HASPIN: variants seen among roughly 807,000 people sequenced by gnomAD.
HASPIN encodes the protein serine/threonine-protein kinase haspin.
HASPIN carries 24 observed loss-of-function variants against 28.8 expected under a neutral mutation model. The observed-to-expected ratio is 0.83, with a 90% CI of 0.60 to 1.17. The LOEUF (loss-of-function observed/expected upper bound fraction) is 1.17, where lower values mean the gene tolerates loss of function less well. Among genes scored for constraint, HASPIN ranks in the 50% most tolerant of loss-of-function variants. The pLI, the probability that HASPIN is intolerant of heterozygous loss-of-function variation, is 0.00. For missense variants in HASPIN, 1,016 were observed against 1,018.5 expected (o/e 1.00, Z 0.03); for synonymous variants, 440 against 413.1 (o/e 1.07, Z -0.79).
chr17:3,724,301 C>G lies in HASPIN; in HGVS notation c.366C>G (p.Pro122=). 5 of 1,587,564 alleles carry G rather than the reference C, an allele frequency of 3.1e-6. 1 individual carries two copies. The South Asian group carries it at 4.5e-5, about 14-fold the overall frequency. Residue 122 remains proline (P), a synonymous_variant, in exon 1 of 1, where the codon CCC becomes CCG. Transcript: ENST00000325418. Reference sequence around the variant, plus strand: ...GACGCCTGGGGCTGCGAGCTCGGCCCCCGCAGAAGTGCAGCACACCCTGCG... The same window carrying G: ...GACGCCTGGGGCTGCGAGCTCGGCCGCCGCAGAAGTGCAGCACACCCTGCG... ...TPRRLGLRAR[P]PQKCSTPCGP... is the part of the protein sequence containing the mutation.
rs755161630 is a variant in HASPIN at position 3,725,846 on chromosome 17, A to T, written c.1911A>T (p.Ala637=). Residue 637 remains alanine (A), a synonymous_variant, in exon 1 of 1, where the codon GCA becomes GCT. Transcript: ENST00000325418. The part of the protein sequence containing the change: ...SILHQLTASL[A]VAEASLRFEH... ...TACACCAGCTCACAGCCTCCCTCGCAGTGGCAGAGGCATCACTGCGCTTTG... is the reference window on the plus strand; with the variant it reads ...TACACCAGCTCACAGCCTCCCTCGCTGTGGCAGAGGCATCACTGCGCTTTG... 1 of 1,611,964 alleles carries T rather than the reference A, an allele frequency of 6.2e-7. No homozygotes were observed.
chr17:3,724,645 C>G lies in HASPIN; in HGVS notation c.710C>G (p.Thr237Ser), dbSNP rs2051162742. The change falls in exon 1 of 1, where the codon ACC becomes AGC. Residue 237 changes from threonine to serine, a missense_variant. Physicochemically the swap from Thr to Ser is moderately conservative, Grantham distance 58. Coordinates refer to ENST00000325418, the MANE Select transcript of HASPIN (RefSeq NM_031965.2). ...GAKDTRMVHQ[T>S]RASLRSVLFG... ...AAGGACACCAGGATGGTCCACCAAACCCGCGCCAGCCTCAGGTCAGTTCTC... is the reference window on the plus strand; with the variant it reads ...AAGGACACCAGGATGGTCCACCAAAGCCGCGCCAGCCTCAGGTCAGTTCTC... The G allele has an allele frequency of 6.2e-7, 1 of 1,614,094 alleles. No individual in the cohort carries two copies.
In HASPIN at chr17:3,726,333, G is replaced by C; in HGVS notation, c.*1G>C. 6.3e-7 allele frequency: 1 copy of C among 1,597,240 alleles called. No homozygotes were observed. The highest frequency in any genetic ancestry group is 8.6e-7 in the Non-Finnish European group (1 of 1,168,064). ...CTGCCAGCACAGTCTGTTTAAGTAA[G>C]CTAAATGTATCTTACTGCCCCGAAA... On this transcript the variant is annotated 3_prime_UTR_variant, in exon 1 of 1. Transcript: ENST00000325418.
At position 3,725,580 on chromosome 17, in the gene HASPIN, G is replaced by C. The variant is rs140293528; in HGVS notation, c.1645G>C (p.Val549Leu). The part of the protein sequence containing the change: ...SKELSLLSGE[V>L]CNRTEGFIGL... The stretch of plus-strand genomic sequence containing the variant: ...AGAGTTGAGCCTCTTATCCGGTGAA[G>C]TGTGCAACCGCACAGAAGGCTTTAT... The change falls in exon 1 of 1, where the codon GTG becomes CTG. Residue 549 changes from valine (V) to leucine (L), a missense_variant. Transcript: ENST00000325418. 1.2e-6 allele frequency: 2 copies of C among 1,614,232 alleles called. No homozygotes were observed. The highest frequency in any genetic ancestry group is 1.7e-6 in the Non-Finnish European group (2 of 1,180,036).
In HASPIN at chr17:3,725,553, A is replaced by G. The variant is rs1226159625; in HGVS notation, c.1618A>G (p.Lys540Glu). The change falls in exon 1 of 1, where the codon AAA becomes GAA. Residue 540 changes from lysine (K) to glutamate (E), a missense_variant. Transcript: ENST00000325418. ...AATCCTGCCAGAGATCATCATCTCC[A>G]AAGAGTTGAGCCTCTTATCCGGTGA... ...EEILPEIIIS[K>E]ELSLLSGEVC... is the part of the protein sequence containing the mutation. 3.1e-6 allele frequency: 5 copies of G among 1,614,142 alleles called. No individual in the cohort carries two copies. The highest frequency in any genetic ancestry group is 4.2e-6 in the Non-Finnish European group (5 of 1,180,060).
Position 3,726,009 on chromosome 17 carries a change from C to A in HASPIN, c.2074C>A (p.Arg692Ser). The change falls in exon 1 of 1, where the codon CGC becomes AGC. Residue 692 changes from arginine to serine, a missense_variant. This residue lies in a region of HASPIN where 129 missense variants were observed against 156.2 expected (regional missense o/e 0.83). Transcript: ENST00000325418. ...QVSIIDYTLS[R>S]LERDGIVVFC... ...GAGCATCATTGACTACACCCTGTCGCGCTTGGAACGGGATGGGATTGTGGT... is the reference window on the plus strand; with the variant it reads ...GAGCATCATTGACTACACCCTGTCGAGCTTGGAACGGGATGGGATTGTGGT... 6.2e-7 allele frequency: 1 copy of A among 1,613,988 alleles called. No individual in the cohort carries two copies. The highest frequency in any genetic ancestry group is 1.6e-4 in the Middle Eastern group (1 of 6,062).
In HASPIN at chr17:3,724,344, C is replaced by T. The variant is rs757059631; in HGVS notation, c.409C>T (p.Pro137Ser). ...STPCGPLRLP[P>S]FPSRDSGRLS... ...ACCCTGCGGCCCGCTCCGACTTCCGCCCTTCCCCAGCCGCGACTCCGGCCG... is the reference window on the plus strand; with the variant it reads ...ACCCTGCGGCCCGCTCCGACTTCCGTCCTTCCCCAGCCGCGACTCCGGCCG... The change falls in exon 1 of 1, where the codon CCC becomes TCC. Residue 137 changes from proline (P) to serine (S), a missense_variant. Pro to Ser is a moderately conservative substitution (Grantham distance 74). This residue lies in a region of HASPIN where 881 missense variants were observed against 845.5 expected (regional missense o/e 1.04). Transcript: ENST00000325418. 6.9e-6 allele frequency: 11 copies of T among 1,595,548 alleles called. No individual in the cohort carries two copies. Among genetic ancestry groups the T allele is most frequent in the South Asian group, 2.2e-5 (2 of 89,858 alleles).
In HASPIN at chr17:3,724,865, G is replaced by A; in HGVS notation, c.930G>A (p.Arg310=). 1 of 1,613,964 alleles carries A rather than the reference G, an allele frequency of 6.2e-7. No individual in the cohort carries two copies. Among genetic ancestry groups the A allele is most frequent in the South Asian group, 1.1e-5 (1 of 91,088 alleles). Residue 310 remains arginine, a synonymous_variant, in exon 1 of 1, where the codon CGG becomes CGA. Transcript: ENST00000325418. ...CQERGLQEAV[R]REHQEASVPK... ...AGAGAGGGCTTCAAGAGGCCGTCCG[G>A]AGAGAGCATCAGGAGGCCAGTGTTC... is the stretch of plus-strand genomic sequence containing the variant.
chr17:3,724,843 G>C lies in HASPIN; in HGVS notation c.908G>C (p.Arg303Thr). 1.2e-6 allele frequency: 2 copies of C among 1,614,118 alleles called. No homozygotes were observed. Among genetic ancestry groups the C allele is most frequent in the South Asian group, 2.2e-5 (2 of 91,088 alleles). The change falls in exon 1 of 1, where the codon AGA (arginine) becomes ACA (threonine). Residue 303 changes from arginine (R) to threonine (T), a missense_variant. Arg to Thr is a moderately conservative substitution (Grantham distance 71). Transcript: ENST00000325418. Reference protein sequence around the residue: ...RATGQDSCQERGLQEAVRREH... With the variant: ...RATGQDSCQETGLQEAVRREH... Reference sequence around the variant, plus strand: ...ACAGGCCAGGACTCTTGTCAAGAGAGAGGGCTTCAAGAGGCCGTCCGGAGA... The same window carrying C: ...ACAGGCCAGGACTCTTGTCAAGAGACAGGGCTTCAAGAGGCCGTCCGGAGA...
At position 3,725,772 on chromosome 17, in the gene HASPIN, G is replaced by C; in HGVS notation, c.1837G>C (p.Glu613Gln). ...LEFEFGGIDL[E>Q]QMRTKLSSLA... ...ATTTGAGTTTGGAGGGATTGACTTA[G>C]AGCAAATGCGAACCAAGTTGTCTTC... is the stretch of plus-strand genomic sequence containing the variant. Residue 613 changes from glutamate to glutamine, a missense_variant, in exon 1 of 1, where the codon GAG becomes CAG. Transcript: ENST00000325418. 2 of 1,600,716 alleles carry C rather than the reference G, an allele frequency of 1.2e-6. No homozygotes were observed. Among genetic ancestry groups the C allele is most frequent in the Non-Finnish European group, 1.7e-6 (2 of 1,171,792 alleles).
Position 3,724,418 on chromosome 17 carries a change from G to T in HASPIN, c.483G>T (p.Glu161Asp). 1 of 1,612,698 alleles carries T rather than the reference G, an allele frequency of 6.2e-7. No individual in the cohort carries two copies. Residue 161 changes from glutamate (E) to aspartate (D), a missense_variant, in exon 1 of 1, where the codon GAG (glutamate) becomes GAT (aspartate). Glu to Asp is a conservative substitution (Grantham distance 45). Around this residue, in one of 3 missense-constraint regions of HASPIN, gnomAD observed 881 missense variants for 845.5 expected, o/e 1.04. Transcript: ENST00000325418. The stretch of plus-strand genomic sequence containing the variant: ...GCGGCCAGCCCAGGGACGGCGACGA[G>T]CTGGGCATCAGTGCCTCCCTGTTCA... ...SVCGQPRDGDELGISASLFSS... is the reference protein window; with the variant it reads ...SVCGQPRDGDDLGISASLFSS...
rs752178949 is a variant in HASPIN at position 3,724,540 on chromosome 17, C to G, written c.605C>G (p.Pro202Arg). The G allele has an allele frequency of 5.0e-6, 8 of 1,614,100 alleles. No individual in the cohort carries two copies. The highest frequency in any genetic ancestry group is 5.1e-6 in the Non-Finnish European group (6 of 1,180,012). ...SACLVAASAV[P>R]SGLHLPEVSL... ...TGTCTGGTTGCAGCCTCAGCCGTCCCGAGCGGCCTCCACCTCCCAGAAGTC... is the reference window on the plus strand; with the variant it reads ...TGTCTGGTTGCAGCCTCAGCCGTCCGGAGCGGCCTCCACCTCCCAGAAGTC... The change falls in exon 1 of 1, where the codon CCG becomes CGG. Residue 202 changes from proline (P) to arginine (R), a missense_variant. Coordinates refer to ENST00000325418, the MANE Select transcript of HASPIN (RefSeq NM_031965.2).
chr17:3,724,615 G>A lies in HASPIN; in HGVS notation c.680G>A (p.Gly227Glu), dbSNP rs1401786490. ...LPCSQEEATG[G>E]AKDTRMVHQT... The stretch of plus-strand genomic sequence containing the variant: ...TGCTCCCAGGAGGAAGCGACAGGAG[G>A]AGCCAAGGACACCAGGATGGTCCAC... Residue 227 changes from glycine (G) to glutamate (E), a missense_variant, in exon 1 of 1, where the codon GGA (glycine) becomes GAA (glutamate). Gly to Glu is a moderately conservative substitution (Grantham distance 98). Coordinates refer to ENST00000325418, the MANE Select transcript of HASPIN (RefSeq NM_031965.2). 4 of 1,614,058 alleles carry A rather than the reference G, an allele frequency of 2.5e-6. No individual in the cohort carries two copies. The highest frequency in any genetic ancestry group is 1.3e-5 in the African/African-American group (1 of 74,922).
In HASPIN at chr17:3,724,742, C is replaced by T; in HGVS notation, c.807C>T (p.Ser269=). Residue 269 remains serine (S), a synonymous_variant, in exon 1 of 1, where the codon TCC becomes TCT. Coordinates refer to ENST00000325418, the MANE Select transcript of HASPIN (RefSeq NM_031965.2). ...CAGATGGGAAGAATATGAGAGAGTC[C>T]TGCTGTAAAAGGAAACTGGTGGTGG... ...FRADGKNMRE[S]CCKRKLVVGN... is the part of the protein sequence containing the mutation. 1 of 1,614,156 alleles carries T rather than the reference C, an allele frequency of 6.2e-7. No homozygotes were observed. The highest frequency in any genetic ancestry group is 1.1e-5 in the South Asian group (1 of 91,084).
At position 3,725,741 on chromosome 17, in the gene HASPIN, G is replaced by A; in HGVS notation, c.1806G>A (p.Val602=). The A allele has an allele frequency of 6.3e-7, 1 of 1,582,996 alleles. No individual in the cohort carries two copies. Among genetic ancestry groups the A allele is most frequent in the South Asian group, 1.2e-5 (1 of 86,624 alleles). ...DFFKDDQLFI[V]LEFEFGGIDL... The stretch of plus-strand genomic sequence containing the variant: ...TTAAAGACGACCAGCTCTTCATTGT[G>A]CTGGAATTTGAGTTTGGAGGGATTG... Residue 602 remains valine (V), a synonymous_variant, in exon 1 of 1, where the codon GTG becomes GTA. Coordinates refer to ENST00000325418, the MANE Select transcript of HASPIN (RefSeq NM_031965.2).
In HASPIN at chr17:3,724,754, G is replaced by T; in HGVS notation, c.819G>T (p.Arg273Ser). ...ATATGAGAGAGTCCTGCTGTAAAAG[G>T]AAACTGGTGGTGGGAAATGGACCAG... ...GKNMRESCCK[R>S]KLVVGNGPEG... is the part of the protein sequence containing the mutation. Residue 273 changes from arginine to serine, a missense_variant, in exon 1 of 1, where the codon AGG (arginine) becomes AGT (serine). Arg to Ser is a moderately radical substitution (Grantham distance 110, BLOSUM62 -1). Around this residue, in one of 3 missense-constraint regions of HASPIN, gnomAD observed 881 missense variants for 845.5 expected, o/e 1.04. Transcript: ENST00000325418. 1 of 1,614,218 alleles carries T rather than the reference G, an allele frequency of 6.2e-7. No homozygotes were observed. The highest frequency in any genetic ancestry group is 1.3e-5 in the African/African-American group (1 of 75,066).
Position 3,725,958 on chromosome 17 carries a change from A to G in HASPIN, c.2023A>G (p.Thr675Ala). The G allele has an allele frequency of 1.9e-6, 3 of 1,613,824 alleles. No homozygotes were observed. The change falls in exon 1 of 1, where the codon ACT (threonine) becomes GCT (alanine). Residue 675 changes from threonine to alanine, a missense_variant. By Grantham distance (58) the Thr-to-Ala change is moderately conservative. Transcript: ENST00000325418. ...LHYTLNGKSSTIPSCGLQVSI... is the reference protein window; with the variant it reads ...LHYTLNGKSSAIPSCGLQVSI... Reference sequence around the variant, plus strand: ...CTACACCCTCAATGGGAAGAGCAGCACTATCCCCAGCTGTGGGTTGCAAGT... The same window carrying G: ...CTACACCCTCAATGGGAAGAGCAGCGCTATCCCCAGCTGTGGGTTGCAAGT...
In HASPIN at chr17:3,725,672, C is replaced by A; in HGVS notation, c.1737C>A (p.His579Gln). 1 of 1,590,166 alleles carries A rather than the reference C, an allele frequency of 6.3e-7. No individual in the cohort carries two copies. Among genetic ancestry groups the A allele is most frequent in the South Asian group, 1.1e-5 (1 of 87,734 alleles). Reference protein sequence around the residue: ...YPPLLLKAWDHYNSTKGSAND... With the variant: ...YPPLLLKAWDQYNSTKGSAND... Reference sequence around the variant, plus strand: ...CCTTGCTCCTCAAAGCCTGGGATCACTATAATTCAACCAAAGGCTCTGCAA... The same window carrying A: ...CCTTGCTCCTCAAAGCCTGGGATCAATATAATTCAACCAAAGGCTCTGCAA... The change falls in exon 1 of 1, where the codon CAC becomes CAA. Residue 579 changes from histidine to glutamine, a missense_variant. His to Gln is a conservative substitution (Grantham distance 24, BLOSUM62 0). Transcript: ENST00000325418.
rs1655744737 is a variant in HASPIN, at chr17:3,726,259, A to G, written c.2324A>G (p.Gln775Arg). The G allele has an allele frequency of 6.2e-7, 1 of 1,614,140 alleles. No individual in the cohort carries two copies. Among genetic ancestry groups the G allele is most frequent in the African/African-American group, 1.3e-5 (1 of 74,956 alleles). Residue 775 changes from glutamine to arginine, a missense_variant, in exon 1 of 1, where the codon CAG becomes CGG. Gln to Arg is a conservative substitution (Grantham distance 43). Coordinates refer to ENST00000325418, the MANE Select transcript of HASPIN (RefSeq NM_031965.2). ...PAMKQIKRKI[Q>R]EFHRTMLNFS... ...ATGAAGCAAATTAAGAGAAAAATCC[A>G]GGAGTTCCACAGGACAATGCTGAAC...
Sources: allele counts gnomAD v4.1 joint callset, GRCh38; gene constraint gnomAD v4.1.1; regional missense constraint gnomAD v4.1.1; transcripts MANE v1.5; gene names NCBI Gene and HGNC (gene_info 2026-07-23, HGNC 2026-07-21).